LCP1: variants seen among roughly 807,000 people sequenced by gnomAD.
LCP1 encodes the protein plastin-2.
In LCP1, 23 loss-of-function variants were observed where a neutral mutation model predicts 72.0. The observed-to-expected ratio is 0.32, with a 90% CI of 0.23 to 0.45. LCP1 has a LOEUF of 0.45. LCP1 is among the 20% of genes least tolerant of loss of function. The pLI is 1.00. For missense variants in LCP1, 571 were observed against 748.3 expected, an observed-to-expected ratio of 0.76 and a Z score of 2.76; for synonymous variants, 245 against 275.4, an observed-to-expected ratio of 0.89 and a Z score of 1.09.
intron 1 of LCP1, among the ~76,000 whole-genome samples, chr13:46,178,261 G>C (rs1014031236): frequency 1.3e-5 from 2 of 152,130 alleles, no homozygotes; most frequent in Non-Finnish European, 2.9e-5. Context: ...ATTAATTGAA[G>C]CGCCTTCCAC....
chr13:46,142,390 C>A lies in LCP1; in HGVS notation c.1404G>T (p.Lys468Asn). 3 of 1,613,980 alleles carry A rather than the reference C, an allele frequency of 1.9e-6. No homozygotes were observed. The highest frequency in any genetic ancestry group is 2.5e-6 in the Non-Finnish European group (3 of 1,179,910). Residue 468 changes from lysine (K) to asparagine (N), a missense_variant, in exon 13 of 16, where the codon AAG (lysine) becomes AAT (asparagine). Physicochemically the swap from Lys to Asn is moderately conservative, Grantham distance 94. Transcript: ENST00000323076. Reference protein sequence around the residue: ...ENCNYAVELGKNQAKFSLVGI... With the variant: ...ENCNYAVELGNNQAKFSLVGI... ...CAACCAGGGAGAACTTCGCTTGATT[C>A]TTCCCCAATTCTACCGCGTAGTTAC...
intron 1 of LCP1, among the ~76,000 whole-genome samples, chr13:46,178,188 T>G (rs571477284): frequency 1.2e-3 from 185 of 152,350 alleles, no homozygotes; most frequent in Middle Eastern, 3.4e-3. Context: ...AATGCTTTCA[T>G]AGGGTTAAAG....
Position 46,162,869 on chromosome 13 carries a change from G to C in LCP1, c.-24-3183C>G, listed in dbSNP as rs1489047170. On this transcript the variant is annotated intron_variant, in intron 1 of 15. Transcript: ENST00000323076. ...TGGGAGGTGAGGAGCGTCTCTGCAC[G>C]GCTGCCCCGTCTGAGAAGTGAGGAG... Among the ~76,000 whole-genome samples the C allele has an allele frequency of 2.0e-5, 3 of 151,616 alleles. No individual in the cohort carries two copies. The South Asian group carries it at 6.2e-4, about 32-fold the overall frequency.
chr13:46,143,860 A>T (rs2045713300), intron 11 of LCP1, among the ~76,000 whole-genome samples: 1 of 152,160 alleles, frequency 6.6e-6, no homozygotes, highest in African/African-American at 2.4e-5. Flanking sequence ...AGGTCAAGAG[A>T]TCAAGACCAT....
chr13:46,156,589 A>C lies in LCP1; in HGVS notation c.359-19T>G, dbSNP rs780361123. The C allele has an allele frequency of 3.1e-6, 5 of 1,613,820 alleles. No individual in the cohort carries two copies. Among genetic ancestry groups the C allele is most frequent in the Admixed American group, 1.7e-5 (1 of 59,988 alleles). On this transcript the variant is annotated intron_variant, in intron 4 of 15. Coordinates refer to ENST00000323076, the MANE Select transcript of LCP1 (RefSeq NM_002298.5). ...TCTTCCTCTGCAAGTAAATGATTAAAGTGACTCATTTGCAAAGTGAAACTC... is the reference window on the plus strand; with the variant it reads ...TCTTCCTCTGCAAGTAAATGATTAACGTGACTCATTTGCAAAGTGAAACTC...
At chr13:46,143,735 C>A (rs1408509512) in intron 11 of LCP1, among the ~76,000 whole-genome samples, 1 of 152,128 alleles carries the variant, frequency 6.6e-6, no homozygotes, top group African/African-American at 2.4e-5. Context: ...GTCCCCTGTA[C>A]CTAAAGGTTT....
At chr13:46,141,025 T>C (rs764625849) in intron 13 of LCP1, among the ~76,000 whole-genome samples, 1 of 152,208 alleles carries the variant, frequency 6.6e-6, no homozygotes, top group Non-Finnish European at 1.5e-5. Context: ...ATGGAAGATA[T>C]GTTTGAAGAG....
chr13:46,156,769 G>C lies in LCP1; in HGVS notation c.359-199C>G, dbSNP rs114790595. ...TAGGCATTGAGTCTGTGTACTCCAA[G>C]TCATAAAACATAGAGCAAACAGATT... On this transcript the variant is annotated intron_variant, in intron 4 of 15. Coordinates refer to ENST00000323076, the MANE Select transcript of LCP1 (RefSeq NM_002298.5). 3.9e-3 allele frequency among the ~76,000 whole-genome samples: 588 copies of C among 151,872 alleles called. 3 individuals carry two copies. The highest frequency in any genetic ancestry group is 0.024 in the Middle Eastern group (7 of 292).
chr13:46,142,945 T>C (rs1473789034), intron 12 of LCP1: 1 of 348,216 alleles, frequency 2.9e-6, no homozygotes, highest in Non-Finnish European at 5.6e-6. Flanking sequence ...ACAAACTGTT[T>C]GAACAAGTCA....
intron 15 of LCP1, among the ~76,000 whole-genome samples, chr13:46,128,581 A>G (rs1458263788): frequency 1.3e-5 from 2 of 152,214 alleles, no homozygotes; most frequent in East Asian, 1.9e-4. Flanking sequence ...CTGGGCAACA[A>G]AGTGAGACTC....
At chr13:46,159,449 A>T (rs942972687) in intron 2 of LCP1, 150 bp downstream of exon 2, 7 of 626,184 alleles carry the variant, frequency 1.1e-5, no homozygotes, top group Non-Finnish European at 2.0e-5. Flanking sequence ...CATATTTTTC[A>T]AAAATAAGTT....
rs1340124965 is a variant in LCP1, at chr13:46,144,513, C to T, written c.1182G>A (p.Thr394=). 6.2e-7 allele frequency: 1 copy of T among 1,612,904 alleles called. No homozygotes were observed. Among genetic ancestry groups the T allele is most frequent in the African/African-American group, 1.3e-5 (1 of 75,020 alleles). Residue 394 remains threonine (T), a synonymous_variant, in exon 11 of 16, where the codon ACG becomes ACA. Transcript: ENST00000323076. Reference sequence around the variant, plus strand: ...AGTTCCTAAATGTCCGCTCTTCTCTCGTCTCACCTAGATGAATGAAGATGG... The same window carrying T: ...AGTTCCTAAATGTCCGCTCTTCTCTTGTCTCACCTAGATGAATGAAGATGG... ...DIDWGALEGE[T]REERTFRNWM... is the part of the protein sequence containing the mutation.
chr13:46,139,089 T>A (rs1347338518), intron 13 of LCP1, among the ~76,000 whole-genome samples: 1 of 152,222 alleles, frequency 6.6e-6, no homozygotes, highest in Non-Finnish European at 1.5e-5. Context: ...CTGTTAAAAA[T>A]TTAAAACTTG....
intron 10 of LCP1, among the ~76,000 whole-genome samples, chr13:46,145,276 G>A (rs1006170338): frequency 6.6e-6 from 1 of 152,204 alleles, no homozygotes; most frequent in African/African-American, 2.4e-5. Context: ...GTACCGGGAT[G>A]TGACTGGCAG....
chr13:46,167,797 T>TA (rs907626407), intron 1 of LCP1, among the ~76,000 whole-genome samples: 1 of 152,186 alleles, frequency 6.6e-6, no homozygotes, highest in African/African-American at 2.4e-5. Context: ...CCCTGGCTGC[T>TA]AGGGGGTTGG....
In LCP1 at chr13:46,158,999, A is replaced by G. The variant is rs1355392698; in HGVS notation, c.65-10T>C. On this transcript the variant is annotated splice_polypyrimidine_tract_variant and intron_variant, in intron 2 of 15. Transcript: ENST00000323076. ...CCATTGCCATCAGTATCTGTAATGTACACAATATACTGAAGCTTCAGGACG... is the reference window on the plus strand; with the variant it reads ...CCATTGCCATCAGTATCTGTAATGTGCACAATATACTGAAGCTTCAGGACG... 1 of 1,613,662 alleles carries G rather than the reference A, an allele frequency of 6.2e-7. No individual in the cohort carries two copies. Among genetic ancestry groups the G allele is most frequent in the Admixed American group, 1.7e-5 (1 of 60,014 alleles).
chr13:46,136,357 TG>T (rs1302103627), intron 13 of LCP1, among the ~76,000 whole-genome samples: 2 of 152,202 alleles, frequency 1.3e-5, no homozygotes, highest in Non-Finnish European at 2.9e-5. Flanking sequence ...GTGATGGCAT[TG>T]GTATCCACCG....
chr13:46,145,375 C>T (rs193032681), intron 10 of LCP1, among the ~76,000 whole-genome samples: 2 of 152,164 alleles, frequency 1.3e-5, no homozygotes, highest in Non-Finnish European at 2.9e-5. Flanking sequence ...GGGATACATT[C>T]AAGCATTTGA....
At chr13:46,162,425 A>C (rs1449163327) in intron 1 of LCP1, among the ~76,000 whole-genome samples, 1 of 151,820 alleles carries the variant, frequency 6.6e-6, no homozygotes, top group African/African-American at 2.4e-5. Context: ...TCAGCCTGCC[A>C]AGTGCCTGCG....
Sources: allele counts gnomAD v4.1 joint callset (sites outside exome capture counted in the v4.1 genomes callset), GRCh38; gene constraint gnomAD v4.1.1; transcripts MANE v1.5; gene names NCBI Gene and HGNC (gene_info 2026-07-23, HGNC 2026-07-21).